PTPRD: variants seen among roughly 807,000 people sequenced by gnomAD.
PTPRD encodes receptor-type tyrosine-protein phosphatase delta.
Under a neutral mutation model 214.5 loss-of-function variants are expected in PTPRD, and 34 were observed. That is an observed-to-expected ratio of 0.16 (90% CI 0.12 to 0.21). The LOEUF is 0.21. Among genes scored for constraint, PTPRD ranks in the 10% least tolerant of loss-of-function variants. The pLI, the probability that PTPRD is intolerant of heterozygous loss-of-function variation, is 1.00. For missense variants in PTPRD, 2,545 were observed against 2,398.7 expected, an observed-to-expected ratio of 1.06 and a Z score of -1.27; for synonymous variants, 1,128 against 845.7, an observed-to-expected ratio of 1.33 and a Z score of -5.79.
intron 10 of PTPRD, among the ~76,000 whole-genome samples, chr9:9,124,863 A>T (rs558325156): frequency 6.6e-6 from 1 of 152,300 alleles, no homozygotes. Flanking sequence ...ATTGTTGCAA[A>T]AGTTGCCAAC....
chr9:9,091,063 G>C lies in PTPRD; in HGVS notation c.-142-72328C>G, dbSNP rs547516958. On this transcript the variant is annotated intron_variant, in intron 10 of 45. Coordinates refer to ENST00000381196, the MANE Select transcript of PTPRD (RefSeq NM_002839.4). ...CGCAGCAGTCAGGGACATTTCTGAA[G>C]CGAGCGTCTTCGATGCCTATGTGCT... 8.8e-4 allele frequency: 1,340 copies of C among 1,522,814 alleles called. 10 individuals carry two copies. The African/African-American group carries it at 0.016, about 19-fold the overall frequency. The allele number at this position is 1,522,814 out of a possible 1,614,324, so 94.3% of individuals were successfully genotyped here.
chr9:9,067,276 C>T, intron 10 of PTPRD, among the ~76,000 whole-genome samples: 1 of 152,272 alleles, frequency 6.6e-6, no homozygotes, highest in Middle Eastern at 3.4e-3. Flanking sequence ...TGTCTTAATA[C>T]TGTAAGAATT....
chr9:9,931,723 C>T (rs1441470660), intron 5 of PTPRD, among the ~76,000 whole-genome samples: 1 of 151,766 alleles, frequency 6.6e-6, no homozygotes, highest in Non-Finnish European at 1.5e-5. Context: ...GTGGAGTCCA[C>T]CACAGCTCAA....
intron 6 of PTPRD, among the ~76,000 whole-genome samples, chr9:9,739,004 G>A (rs557747518): frequency 6.6e-6 from 1 of 152,018 alleles, no homozygotes; most frequent in Non-Finnish European, 1.5e-5. Context: ...TGATTTCTTA[G>A]TGAGGAACCT....
rs935703212 is a variant in PTPRD at position 9,855,644 on chromosome 9, C to A, written c.-368+82863G>T. ...GAACTGGAGTGCAGAAGCACTGGAA[C>A]CAGCCAGCCGCTTCCGCACCTGCAG... On this transcript the variant is annotated intron_variant, in intron 5 of 45. Transcript: ENST00000381196. 1.4e-4 allele frequency among the ~76,000 whole-genome samples: 21 copies of A among 152,250 alleles called. No individual in the cohort carries two copies. In the South Asian group the frequency reaches 4.4e-3, roughly 32 times the overall value.
intron 43 of PTPRD, 61 bp downstream of exon 43, chr9:8,338,860 AG>A: frequency 6.6e-7 from 1 of 1,506,736 alleles, no homozygotes; most frequent in South Asian, 1.3e-5. Flanking sequence ...AGAGAGAGAG[AG>A]AGAGGTATCT....
chr9:9,003,446 T>A (rs2099432651), intron 11 of PTPRD, among the ~76,000 whole-genome samples: 1 of 152,032 alleles, frequency 6.6e-6, no homozygotes. Flanking sequence ...AAATGCCTAT[T>A]CTCCTTTAGT....
intron 14 of PTPRD, among the ~76,000 whole-genome samples, chr9:8,589,025 C>A (rs1356588201): frequency 6.6e-6 from 1 of 151,954 alleles, no homozygotes; most frequent in Admixed American, 6.6e-5. Flanking sequence ...TAGATTCTTA[C>A]TGGGTTATTA....
chr9:10,097,646 G>T (rs201520685), intron 3 of PTPRD, among the ~76,000 whole-genome samples: 7 of 151,576 alleles, frequency 4.6e-5, no homozygotes, highest in Admixed American at 1.3e-4. Context: ...GGGCTGAGAC[G>T]ATGGGGTTTT....
At chr9:9,077,794 G>A (rs1212638393) in intron 10 of PTPRD, among the ~76,000 whole-genome samples, 2 of 151,950 alleles carry the variant, frequency 1.3e-5, no homozygotes, top group Admixed American at 6.6e-5. Flanking sequence ...ACATTTCCTT[G>A]GAAATGTGAA....
At chr9:9,359,333 G>A (rs2055084863) in intron 9 of PTPRD, among the ~76,000 whole-genome samples, 1 of 151,272 alleles carries the variant, frequency 6.6e-6, no homozygotes, top group South Asian at 2.1e-4. Context: ...GAATAGGAAA[G>A]GACACTTCGG....
chr9:8,724,007 C>A (rs1426094357), intron 12 of PTPRD, among the ~76,000 whole-genome samples: 1 of 152,120 alleles, frequency 6.6e-6, no homozygotes, highest in Non-Finnish European at 1.5e-5. Flanking sequence ...GAATTTAAAA[C>A]TTTTATGAGA....
intron 30 of PTPRD, among the ~76,000 whole-genome samples, chr9:8,483,195 C>G (rs1440090668): frequency 6.6e-6 from 1 of 152,298 alleles, no homozygotes; most frequent in Non-Finnish European, 1.5e-5. Context: ...CACTTCAGGC[C>G]TGTTGGCCTC....
chr9:10,155,571 G>A (rs572023569), intron 3 of PTPRD, among the ~76,000 whole-genome samples: 21 of 152,210 alleles, frequency 1.4e-4, no homozygotes, highest in African/African-American at 2.2e-4. Flanking sequence ...TAAGTACAAC[G>A]TTGGCTGTGT....
chr9:8,461,598 T>A lies in PTPRD; in HGVS notation c.3715-1027A>T, dbSNP rs368835573. Among the ~76,000 whole-genome samples, 13 of 151,484 alleles carry A rather than the reference T, an allele frequency of 8.6e-5. No individual in the cohort carries two copies. The East Asian group carries it at 1.2e-3, about 14-fold the overall frequency. On this transcript the variant is annotated intron_variant, in intron 32 of 45. Coordinates refer to ENST00000381196, the MANE Select transcript of PTPRD (RefSeq NM_002839.4). ...CATCTCTTCTCACTCCAAACCACCA[T>A]TGGTCCTATTTTTTTTTTTTTCATT...
chr9:8,485,397 A>G (rs2096978046), intron 28 of PTPRD, 73 bp from the exon 29 acceptor site: 12 of 994,446 alleles, frequency 1.2e-5, no homozygotes, highest in Non-Finnish European at 1.9e-5. Context: ...ACCATGGACC[A>G]TAGGGGCTTA....
intron 7 of PTPRD, among the ~76,000 whole-genome samples, chr9:9,627,689 G>A (rs1262252907): frequency 6.6e-6 from 1 of 152,192 alleles, no homozygotes; most frequent in Non-Finnish European, 1.5e-5. Flanking sequence ...GTGGTAGAGA[G>A]AGAGAGCTTT....
At position 9,833,467 on chromosome 9, in the gene PTPRD, A is replaced by G. The variant is rs10124383; in HGVS notation, c.-367-66616T>C. Among the ~76,000 whole-genome samples, 407 of 152,102 alleles carry G rather than the reference A, an allele frequency of 2.7e-3. 1 individual carries two copies. The highest frequency in any genetic ancestry group is 9.4e-3 in the African/African-American group (392 of 41,532). On this transcript the variant is annotated intron_variant, in intron 5 of 45. Transcript: ENST00000381196. ...GGAGGCAGGGCGAGATCACAGGACC[A>G]CAGGACCGAGGCGAAATTAAAATTG...
rs559673854 is a variant in PTPRD at position 8,934,778 on chromosome 9, C to T, written c.-104+83919G>A. Among the ~76,000 whole-genome samples the T allele has an allele frequency of 7.0e-4, 106 of 151,550 alleles. 1 individual carries two copies. The highest frequency in any genetic ancestry group is 3.4e-3 in the Middle Eastern group (1 of 294). On this transcript the variant is annotated intron_variant, in intron 11 of 45. Coordinates refer to ENST00000381196, the MANE Select transcript of PTPRD (RefSeq NM_002839.4). Reference sequence around the variant, plus strand: ...CTAACATCTCCCTGTCTCTCCCACTCTCTAGCCCCTGGCAACCACCATCGT... The same window carrying T: ...CTAACATCTCCCTGTCTCTCCCACTTTCTAGCCCCTGGCAACCACCATCGT...
Sources: gnomAD v4.1 joint callset for allele counts (sites outside exome capture counted in the v4.1 genomes callset) on GRCh38, gnomAD v4.1.1 for gene constraint, MANE v1.5 for transcripts, NCBI Gene and HGNC (gene_info 2026-07-23, HGNC 2026-07-21) for gene names.